The following LRTM1 variants were observed in gnomAD, a reference collection of about 807,000 sequenced individuals.
The protein encoded by LRTM1 is leucine rich repeat transmembrane protein 1, also known as leucine-rich repeat and transmembrane domain-containing protein 1.
In LRTM1, 38 loss-of-function variants were observed where a neutral mutation model predicts 32.4. The observed-to-expected ratio is 1.17, with a 90% CI of 0.91 to 1.54. LRTM1 has a LOEUF of 1.54. Among genes scored for constraint, LRTM1 ranks in the 40% most tolerant of loss-of-function variants. The probability of loss-of-function intolerance (pLI) is 0.00; values close to 1 mark genes in which losing one functional copy is unlikely to be tolerated. For missense variants in LRTM1, 466 were observed against 415.4 expected (o/e 1.12, Z -1.06); for synonymous variants, 186 against 169.9 (o/e 1.09, Z -0.74).
At chr3:54,958,694 A>T (rs1206367602) in intron 1 of LRTM1, among the ~76,000 whole-genome samples, 1 of 152,204 alleles carries the variant, frequency 6.6e-6, no homozygotes, top group Non-Finnish European at 1.5e-5. Context: ...AAGCTGCAGG[A>T]TACAAACTGT....
chr3:54,944,190 C>G (rs1431597864), intron 1 of LRTM1, among the ~76,000 whole-genome samples: 4 of 151,998 alleles, frequency 2.6e-5, no homozygotes, highest in Non-Finnish European at 4.4e-5. Context: ...TGCCAGGATG[C>G]TGTGAGTTCA....
intron 1 of LRTM1, among the ~76,000 whole-genome samples, chr3:54,951,281 G>C (rs940450132): frequency 6.6e-5 from 10 of 152,194 alleles, no homozygotes; most frequent in Non-Finnish European, 1.0e-4. Context: ...AATCCTGCCA[G>C]ATACCTCTGT....
chr3:54,950,605 A>G (rs879678583), intron 1 of LRTM1, among the ~76,000 whole-genome samples: 54 of 152,230 alleles, frequency 3.5e-4, no homozygotes, highest in Non-Finnish European at 4.6e-4. Context: ...ATATGCCAAC[A>G]GGAGAGTGGA....
chr3:54,951,313 A>T (rs1205289981), intron 1 of LRTM1, among the ~76,000 whole-genome samples: 2 of 152,264 alleles, frequency 1.3e-5, no homozygotes, highest in Admixed American at 1.3e-4. Flanking sequence ...CGCAGACAAG[A>T]TAAAGAAGAC....
chr3:54,927,743 C>A (rs1200934363), intron 1 of LRTM1, among the ~76,000 whole-genome samples, 162 bp downstream of exon 1: 1 of 152,206 alleles, frequency 6.6e-6, no homozygotes, highest in Non-Finnish European at 1.5e-5. Context: ...CTGCACCCAA[C>A]ATGCGCAAAC....
intron 1 of LRTM1, among the ~76,000 whole-genome samples, chr3:54,956,479 G>T (rs1371949562): frequency 6.6e-6 from 1 of 152,160 alleles, no homozygotes; most frequent in Non-Finnish European, 1.5e-5. Context: ...TTCCTAACTT[G>T]CATGGGCCAC....
chr3:54,935,121 G>A (rs906451951), intron 1 of LRTM1, among the ~76,000 whole-genome samples: 11 of 152,176 alleles, frequency 7.2e-5, no homozygotes, highest in African/African-American at 2.4e-4. Context: ...TTTGAACAAG[G>A]TAGGGTTTCC....
chr3:54,928,522 C>T (rs1039402396), upstream of LRTM1, among the ~76,000 whole-genome samples: 2 of 152,164 alleles, frequency 1.3e-5, no homozygotes, highest in Non-Finnish European at 2.9e-5. Flanking sequence ...TTGCACCGTG[C>T]ACTTCTTTGG....
At chr3:54,959,163 C>A (rs566257893) in intron 1 of LRTM1, among the ~76,000 whole-genome samples, 29 of 152,302 alleles carry the variant, frequency 1.9e-4, no homozygotes, top group Non-Finnish European at 4.0e-4. Context: ...AATGAACTGT[C>A]TGTATATTGA....
chr3:54,946,334 T>C (rs1377930643), intron 1 of LRTM1, among the ~76,000 whole-genome samples: 1 of 152,146 alleles, frequency 6.6e-6, no homozygotes, highest in African/African-American at 2.4e-5. Context: ...ACCACCACAA[T>C]GGTTATTGGT....
intron 1 of LRTM1, among the ~76,000 whole-genome samples, chr3:54,941,155 A>C (rs575655939): frequency 6.6e-6 from 1 of 152,348 alleles, no homozygotes; most frequent in East Asian, 1.9e-4. Context: ...GCCCCAGTTA[A>C]AGTAACTTAA....
intron 1 of LRTM1, among the ~76,000 whole-genome samples, chr3:54,955,827 G>A (rs773666661): frequency 3.9e-5 from 6 of 152,160 alleles, no homozygotes; most frequent in Admixed American, 6.5e-5. Flanking sequence ...CCCACCCTCA[G>A]GAGACCTGAC....
At chr3:54,954,275 C>T (rs1701827436) in intron 1 of LRTM1, among the ~76,000 whole-genome samples, 1 of 152,232 alleles carries the variant, frequency 6.6e-6, no homozygotes, top group Admixed American at 6.5e-5. Context: ...CTGGGCCTCA[C>T]TCTGAAGAGC....
chr3:54,944,831 G>GTGTA (rs1197937704), intron 1 of LRTM1, among the ~76,000 whole-genome samples: 1 of 152,136 alleles, frequency 6.6e-6, no homozygotes, highest in African/African-American at 2.4e-5. Context: ...GTGTGTGTGT[G>GTGTA]TGTGTGTGTG....
intron 2 of LRTM1, among the ~76,000 whole-genome samples, chr3:54,923,035 G>A (rs1700898672): frequency 1.3e-5 from 2 of 152,074 alleles, no homozygotes; most frequent in Admixed American, 1.3e-4. Context: ...CATCATCTTC[G>A]CTGGCTGACT....
chr3:54,962,342 G>A (rs140576699), intron 1 of LRTM1, among the ~76,000 whole-genome samples: 286 of 152,210 alleles, frequency 1.9e-3, no homozygotes, highest in Middle Eastern at 3.4e-3. Context: ...ACACTCTAAG[G>A]AACATTCCTA....
At chr3:54,937,610 T>G (rs76327282) in intron 1 of LRTM1, among the ~76,000 whole-genome samples, 2 of 152,226 alleles carry the variant, frequency 1.3e-5, no homozygotes, top group South Asian at 4.2e-4. Flanking sequence ...AGGTACATGG[T>G]TCCATAAGAG....
chr3:54,926,084 G>C (rs1701006037), intron 1 of LRTM1, among the ~76,000 whole-genome samples: 1 of 151,984 alleles, frequency 6.6e-6, no homozygotes, highest in African/African-American at 2.4e-5. Context: ...AACTTACTTT[G>C]ATTCATGCCC....
intron 1 of LRTM1, among the ~76,000 whole-genome samples, chr3:54,954,027 A>G (rs887783919): frequency 6.6e-5 from 10 of 152,214 alleles, no homozygotes; most frequent in Admixed American, 2.6e-4. Context: ...CCTAATTTCC[A>G]TCAGAAGTCT....
Sources: gnomAD v4.1 joint callset for allele counts (sites outside exome capture counted in the v4.1 genomes callset) on GRCh38, gnomAD v4.1.1 for gene constraint, MANE v1.5 for transcripts, NCBI Gene and HGNC (gene_info 2026-07-23, HGNC 2026-07-21) for gene names.